NCOA1: variants seen among roughly 807,000 people sequenced by gnomAD.
The protein encoded by NCOA1 is Hin-2 protein.
A neutral mutation model predicts 150.9 loss-of-function variants in NCOA1; 35 were observed. The ratio of observed to expected loss-of-function variants is 0.23; its 90% CI spans 0.18 to 0.31. NCOA1 has a LOEUF of 0.31. Among genes scored for constraint, NCOA1 ranks in the 10% least tolerant of loss-of-function variants. The pLI is 1.00. For missense variants in NCOA1, 1,491 were observed against 1,749.3 expected (o/e 0.85, Z 2.63); for synonymous variants, 590 against 630.0 (o/e 0.94, Z 0.95).
chr2:24,491,937 C>T (rs1020106179), intron 1 of NCOA1: 1 of 151,954 alleles, frequency 6.6e-6, no homozygotes, highest in South Asian at 2.1e-4. Context: ...GCTGCGCGGC[C>T]GCCTGCCCGG....
intron 2 of NCOA1, among the ~76,000 whole-genome samples, chr2:24,567,907 CT>C (rs2148271896): frequency 6.6e-6 from 1 of 152,192 alleles, no homozygotes; most frequent in East Asian, 1.9e-4. Flanking sequence ...CCACACCTGG[CT>C]AATTTTTGTA....
chr2:24,763,590 C>A (rs1187286769), intron 22 of NCOA1, among the ~76,000 whole-genome samples: 1 of 136,714 alleles, frequency 7.3e-6, no homozygotes. Flanking sequence ...ACTTTCGTAA[C>A]TTTGGTTGAA....
At chr2:24,728,932 A>G (rs1483235631) in intron 16 of NCOA1, among the ~76,000 whole-genome samples, 1 of 152,250 alleles carries the variant, frequency 6.6e-6, no homozygotes, top group African/African-American at 2.4e-5. Flanking sequence ...AGCCCATAAA[A>G]AGAAGTCATG....
chr2:24,610,833 T>C (rs1668591457), intron 3 of NCOA1, among the ~76,000 whole-genome samples: 1 of 151,900 alleles, frequency 6.6e-6, no homozygotes, highest in African/African-American at 2.4e-5. Flanking sequence ...TGGAACTCTT[T>C]AGACTTGAGT....
At chr2:24,626,417 T>G (rs1022375772) in intron 3 of NCOA1, among the ~76,000 whole-genome samples, 3 of 152,202 alleles carry the variant, frequency 2.0e-5, no homozygotes, top group African/African-American at 7.2e-5. Context: ...TTGAAAATAA[T>G]GAACGTGATG....
At chr2:24,642,050 A>C (rs1201649817) in intron 3 of NCOA1, among the ~76,000 whole-genome samples, 1 of 97,986 alleles carries the variant, frequency 1.0e-5, no homozygotes, top group Non-Finnish European at 2.3e-5. Flanking sequence ...GCGCGTGCGT[A>C]TGTGTGTGTG....
intron 1 of NCOA1, among the ~76,000 whole-genome samples, chr2:24,499,239 A>G (rs1264651289): frequency 1.3e-5 from 2 of 152,186 alleles, no homozygotes; most frequent in African/African-American, 2.4e-5. Flanking sequence ...AGATACATCT[A>G]TTTAATATGT....
chr2:24,638,713 T>G (rs1019274023), intron 3 of NCOA1, among the ~76,000 whole-genome samples: 1 of 152,182 alleles, frequency 6.6e-6, no homozygotes, highest in Non-Finnish European at 1.5e-5. Flanking sequence ...ATTACCTCAT[T>G]GTGGTTTTGA....
intron 12 of NCOA1, among the ~76,000 whole-genome samples, chr2:24,705,744 T>A (rs1673391430): frequency 2.0e-5 from 3 of 152,136 alleles, no homozygotes; most frequent in Admixed American, 2.0e-4. Flanking sequence ...CATGAAACTA[T>A]TATCCTATGA....
chr2:24,595,748 G>A (rs943408820), intron 3 of NCOA1, among the ~76,000 whole-genome samples: 1 of 152,090 alleles, frequency 6.6e-6, no homozygotes, highest in African/African-American at 2.4e-5. Context: ...TAGCCTTGCA[G>A]CCTCTGCATA....
intron 1 of NCOA1, among the ~76,000 whole-genome samples, chr2:24,540,742 AG>A (rs1185343029): frequency 2.0e-5 from 3 of 152,200 alleles, no homozygotes; most frequent in Non-Finnish European, 4.4e-5. Context: ...TACAGGTGTG[AG>A]CCACCGCACC....
At chr2:24,537,434 G>A (rs754538066) in intron 1 of NCOA1, among the ~76,000 whole-genome samples, 42 of 151,606 alleles carry the variant, frequency 2.8e-4, no homozygotes, top group Admixed American at 5.3e-4. Context: ...GTGTGTGTGT[G>A]TATATATACA....
chr2:24,567,356 G>C (rs1666557905), intron 2 of NCOA1, among the ~76,000 whole-genome samples: 1 of 152,068 alleles, frequency 6.6e-6, no homozygotes, highest in South Asian at 2.1e-4. Flanking sequence ...GTTTTTTTAG[G>C]TATATCTTTT....
intron 1 of NCOA1, among the ~76,000 whole-genome samples, chr2:24,544,137 T>TA (rs1049331175): frequency 2.0e-5 from 3 of 152,144 alleles, no homozygotes; most frequent in Non-Finnish European, 4.4e-5. Context: ...AACCTAGTCT[T>TA]AAATTTCTGG....
At chr2:24,650,248 G>A (rs1670653506) in intron 4 of NCOA1, among the ~76,000 whole-genome samples, 1 of 151,818 alleles carries the variant, frequency 6.6e-6, no homozygotes, top group South Asian at 2.1e-4. Context: ...AGGGATTTCA[G>A]GAAATCCCTA....
chr2:24,515,943 T>G (rs1664141528), intron 1 of NCOA1, among the ~76,000 whole-genome samples: 1 of 152,150 alleles, frequency 6.6e-6, no homozygotes. Flanking sequence ...TGAAGCTCCT[T>G]CAAGAAAGAA....
chr2:24,662,016 G>T (rs6759706), intron 5 of NCOA1, among the ~76,000 whole-genome samples: 11,843 of 152,122 alleles, frequency 0.078, 536 homozygotes, highest in African/African-American at 0.12. Flanking sequence ...TCTCCTTGAG[G>T]TTTATAACTG....
At chr2:24,658,588 G>A in intron 4 of NCOA1, 73 bp from the exon 5 acceptor site, 3 of 1,074,618 alleles carry the variant, frequency 2.8e-6, no homozygotes, top group Non-Finnish European at 4.3e-6. Flanking sequence ...TCTAACAGAG[G>A]GGAGCTTCCC....
chr2:24,696,062 A>G (rs1672887829), intron 10 of NCOA1, among the ~76,000 whole-genome samples: 1 of 152,200 alleles, frequency 6.6e-6, no homozygotes, highest in Admixed American at 6.5e-5. Flanking sequence ...AAAATCTTTT[A>G]TAGTTTCAGT....
Sources: allele counts gnomAD v4.1 joint callset (sites outside exome capture counted in the v4.1 genomes callset), GRCh38; gene constraint gnomAD v4.1.1; transcripts MANE v1.5; gene names NCBI Gene and HGNC (gene_info 2026-07-23, HGNC 2026-07-21).